QRFPR: variants seen among roughly 807,000 people sequenced by gnomAD.
The protein encoded by QRFPR is pyroglutamylated RF-amide peptide receptor.
A neutral mutation model predicts 31.3 loss-of-function variants in QRFPR; 37 were observed. The ratio of observed to expected loss-of-function variants is 1.18; its 90% CI spans 0.91 to 1.56. QRFPR has a LOEUF of 1.56. Ranked by LOEUF, QRFPR falls within the 40% of genes most tolerant of loss-of-function variation. The pLI is 0.00. For missense variants in QRFPR, 542 were observed against 532.5 expected (o/e 1.02, Z -0.18); for synonymous variants, 197 against 192.0 (o/e 1.03, Z -0.22).
chr4:121,379,352 A>G (rs926498373), intron 1 of QRFPR, among the ~76,000 whole-genome samples: 1 of 152,216 alleles, frequency 6.6e-6, no homozygotes, highest in Non-Finnish European at 1.5e-5. Flanking sequence ...TAGAAATAGC[A>G]GAGATTGAAG....
chr4:121,346,850 C>T (rs6846334), intron 1 of QRFPR, among the ~76,000 whole-genome samples: 24,090 of 152,068 alleles, frequency 0.16, 2,771 homozygotes, highest in East Asian at 0.53. Context: ...GAATTTGAGC[C>T]AGCCTTGCAT....
intron 1 of QRFPR, among the ~76,000 whole-genome samples, chr4:121,344,698 A>T (rs1049351597): frequency 2.0e-5 from 3 of 152,176 alleles, no homozygotes; most frequent in African/African-American, 7.2e-5. Flanking sequence ...GACGACTAAA[A>T]CAAAATAAAC....
Position 121,329,218 on chromosome 4 carries a change from A to G in QRFPR, c.*96T>C. 1.0e-6 allele frequency: 1 copy of G among 961,990 alleles called. No homozygotes were observed. The highest frequency in any genetic ancestry group is 1.9e-5 in the South Asian group (1 of 52,102). The allele number at this position is 961,990 out of a possible 1,614,324, so 59.6% of individuals were successfully genotyped here. ...CATGATTTGTTTTCTTCTTGTCATC[A>G]TCTTAAGAATAAAAAGAGTATTTGA... On this transcript the variant is annotated 3_prime_UTR_variant, in exon 6 of 6. Transcript: ENST00000394427.
At chr4:121,340,201 A>G (rs4568260) in intron 2 of QRFPR, 338,988 of 420,096 alleles carry the variant, frequency 0.81, 141,519 homozygotes, top group East Asian at 0.99. Flanking sequence ...TTAGCTGAAC[A>G]TAGTGCTTAA....
intron 3 of QRFPR, 83 bp from the exon 4 acceptor site, chr4:121,333,139 C>T: frequency 5.9e-6 from 5 of 844,026 alleles, no homozygotes; most frequent in South Asian, 1.8e-5. Context: ...TGCAACACAA[C>T]ATTTTTTAAG....
At chr4:121,369,960 A>G in intron 1 of QRFPR, 4 of 764,954 alleles carry the variant, frequency 5.2e-6, no homozygotes, top group South Asian at 1.4e-5. Context: ...TGTAGCCAGG[A>G]TCTCTCAGCC....
chr4:121,370,379 A>G (rs959697781), intron 1 of QRFPR: 5 of 723,016 alleles, frequency 6.9e-6, no homozygotes, highest in African/African-American at 1.7e-5. Context: ...TTTTCTATAT[A>G]GAATCCCTGC....
chr4:121,335,915 T>A (rs971796698), intron 3 of QRFPR, among the ~76,000 whole-genome samples: 1 of 152,118 alleles, frequency 6.6e-6, no homozygotes, highest in South Asian at 2.1e-4. Context: ...TTTTTCCAGG[T>A]AGCAAGGGAT....
At chr4:121,331,186 T>G (rs1007849453) in intron 4 of QRFPR, among the ~76,000 whole-genome samples, 5 of 138,336 alleles carry the variant, frequency 3.6e-5, no homozygotes, top group East Asian at 2.1e-4. Context: ...TTTTTTTTTT[T>G]TTTTTTTTTT....
intron 1 of QRFPR, among the ~76,000 whole-genome samples, chr4:121,353,483 T>G (rs891810342): frequency 6.6e-6 from 1 of 152,162 alleles, no homozygotes; most frequent in Non-Finnish European, 1.5e-5. Context: ...TTGAGCATTT[T>G]TTTCATATAA....
chr4:121,337,649 A>T (rs969949229), intron 2 of QRFPR, among the ~76,000 whole-genome samples: 7 of 152,102 alleles, frequency 4.6e-5, no homozygotes, highest in Admixed American at 4.6e-4. Context: ...GCACCATAAC[A>T]TGGGCATCAC....
intron 1 of QRFPR, among the ~76,000 whole-genome samples, chr4:121,372,770 T>C (rs1726276136): frequency 6.6e-6 from 1 of 152,240 alleles, no homozygotes; most frequent in African/African-American, 2.4e-5. Context: ...TTCCCTTTCA[T>C]GCCTGAGTGA....
rs762313039 is a variant in QRFPR at position 121,336,839 on chromosome 4, C to A, written c.529G>T (p.Gly177Ter). ...TGTTGCACGTGCCACATGGGTGATC[C>A]TACGATGACTGCCACCAGCCAGACC... Reference protein sequence around the residue: ...GVVWLVAVIVGSPMWHVQQLE... With the variant: ...GVVWLVAVIV The change falls in exon 3 of 6, where the codon GGA becomes TGA. Residue 177 changes from glycine to a stop codon, truncating the protein, a stop_gained. Transcript: ENST00000394427. LOFTEE classifies it high-confidence loss of function. The A allele has an allele frequency of 8.7e-6, 14 of 1,613,998 alleles. No homozygotes were observed. The East Asian group carries it at 3.1e-4, about 36-fold the overall frequency.
At chr4:121,354,127 C>T (rs968978780) in intron 1 of QRFPR, among the ~76,000 whole-genome samples, 6 of 151,906 alleles carry the variant, frequency 3.9e-5, no homozygotes, top group African/African-American at 1.2e-4. Flanking sequence ...CAGTATAATT[C>T]GAAGTCAGAT....
In QRFPR at chr4:121,380,598, T is replaced by C. The variant is rs1192865968; in HGVS notation, c.50A>G (p.Asp17Gly). Residue 17 changes from aspartate to glycine, a missense_variant, in exon 1 of 6, where the codon GAC becomes GGC. Coordinates refer to ENST00000394427, the MANE Select transcript of QRFPR (RefSeq NM_198179.3). Reference sequence around the variant, plus strand: ...GAACTGCTCCCGCGTCAGGTTGTGGTCCCGCAGCAGCCGAGAGAACTGCTC... The same window carrying C: ...GAACTGCTCCCGCGTCAGGTTGTGGCCCCGCAGCAGCCGAGAGAACTGCTC... Reference protein sequence around the residue: ...TPEQFSRLLRDHNLTREQFIA... With the variant: ...TPEQFSRLLRGHNLTREQFIA... 1.1e-5 allele frequency: 17 copies of C among 1,603,296 alleles called. No individual in the cohort carries two copies. Among genetic ancestry groups the C allele is most frequent in the Non-Finnish European group, 1.4e-5 (17 of 1,173,788 alleles).
chr4:121,342,467 C>T (rs1725561219), intron 1 of QRFPR, among the ~76,000 whole-genome samples: 1 of 152,094 alleles, frequency 6.6e-6, no homozygotes, highest in Non-Finnish European at 1.5e-5. Context: ...ATGCAGTCAC[C>T]TTCTCAATGA....
intron 1 of QRFPR, among the ~76,000 whole-genome samples, chr4:121,342,345 T>C (rs12511549): frequency 6.6e-6 from 1 of 152,142 alleles, no homozygotes; most frequent in South Asian, 2.1e-4. Context: ...AGATAGTGGA[T>C]CATGGAACTT....
chr4:121,329,118 T>TCG lies in QRFPR; in HGVS notation c.*195_*196insCG. On this transcript the variant is annotated 3_prime_UTR_variant, in exon 6 of 6. Coordinates refer to ENST00000394427, the MANE Select transcript of QRFPR (RefSeq NM_198179.3). Reference sequence around the variant, plus strand: ...GGGAATGAGAAGGAACACAGAAATCTGTTAAATGATTGTGATCAATTGGTT... The same window carrying TCG: ...GGGAATGAGAAGGAACACAGAAATCTCGGTTAAATGATTGTGATCAATTGGTT... 8.2e-6 allele frequency: 4 copies of TCG among 490,264 alleles called. No individual in the cohort carries two copies. Among genetic ancestry groups the TCG allele is most frequent in the South Asian group, 8.4e-5 (2 of 23,718 alleles). 30.4% of individuals were successfully genotyped at this position (490,264 alleles called of 1,614,324 possible).
intron 1 of QRFPR, among the ~76,000 whole-genome samples, chr4:121,365,594 A>ATAT (rs1560744002): frequency 2.9e-4 from 1 of 3,472 alleles, no homozygotes; most frequent in Non-Finnish European, 5.6e-4. Context: ...TATATATTAT[A>ATAT]TATATATAAT....
Sources: gnomAD v4.1 joint callset for allele counts (sites outside exome capture counted in the v4.1 genomes callset) on GRCh38, gnomAD v4.1.1 for gene constraint, MANE v1.5 for transcripts, NCBI Gene and HGNC (gene_info 2026-07-23, HGNC 2026-07-21) for gene names.